TMIGD3: variants seen among roughly 807,000 people sequenced by gnomAD.
The protein encoded by TMIGD3 is AD026 protein (AD026).
A neutral mutation model predicts 28.1 loss-of-function variants in TMIGD3; 21 were observed. The observed-to-expected ratio is 0.75, with a 90% CI of 0.53 to 1.08. The LOEUF is 1.08. Among genes scored for constraint, TMIGD3 ranks in the 50% least tolerant of loss-of-function variants. The pLI, the probability that TMIGD3 is intolerant of heterozygous loss-of-function variation, is 0.00. For missense variants in TMIGD3, 416 were observed against 435.6 expected (o/e 0.96, Z 0.40); for synonymous variants, 151 against 162.1 (o/e 0.93, Z 0.52).
chr1:111,524,870 T>C (rs1011977839), intron 1 of TMIGD3, among the ~76,000 whole-genome samples: 34 of 152,364 alleles, frequency 2.2e-4, no homozygotes, highest in Middle Eastern at 3.4e-3. Flanking sequence ...TCTGCCTGAC[T>C]CGGCCTCCCA....
At chr1:111,491,780 G>A (rs1475504412) in intron 1 of TMIGD3, among the ~76,000 whole-genome samples, 1 of 152,226 alleles carries the variant, frequency 6.6e-6, no homozygotes, top group Non-Finnish European at 1.5e-5. Flanking sequence ...ATTATAATAT[G>A]TGGAACTTAT....
At chr1:111,537,181 C>T (rs1282129340) in intron 1 of TMIGD3, among the ~76,000 whole-genome samples, 1 of 152,184 alleles carries the variant, frequency 6.6e-6, no homozygotes, top group Non-Finnish European at 1.5e-5. Flanking sequence ...TCTTCCCCAC[C>T]ATTGGAGCAA....
chr1:111,488,080 C>G (rs971724675), intron 3 of TMIGD3, among the ~76,000 whole-genome samples: 1 of 152,170 alleles, frequency 6.6e-6, no homozygotes, highest in Non-Finnish European at 1.5e-5. Context: ...GCTGGGATTA[C>G]AGGAGTGAGC....
chr1:111,527,540 C>G (rs926880877), intron 1 of TMIGD3, among the ~76,000 whole-genome samples: 1 of 152,118 alleles, frequency 6.6e-6, no homozygotes, highest in Non-Finnish European at 1.5e-5. Context: ...AACATGATTG[C>G]TTGATTGTAT....
At chr1:111,549,947 C>T (rs560457022) in intron 1 of TMIGD3, among the ~76,000 whole-genome samples, 1 of 152,302 alleles carries the variant, frequency 6.6e-6, no homozygotes, top group South Asian at 2.1e-4. Context: ...GCACCACAGC[C>T]AGCCTTGTTT....
chr1:111,504,940 G>A (rs895398531), upstream of TMIGD3: 5 of 985,076 alleles, frequency 5.1e-6, no homozygotes, highest in Non-Finnish European at 6.0e-6. Flanking sequence ...CTCTCCAACT[G>A]AATTTCCATC....
intron 1 of TMIGD3, among the ~76,000 whole-genome samples, chr1:111,544,608 A>G (rs1162909557): frequency 6.6e-6 from 1 of 152,160 alleles, no homozygotes; most frequent in Non-Finnish European, 1.5e-5. Context: ...TTATCAGCTG[A>G]TAAACATTTG....
intron 1 of TMIGD3, among the ~76,000 whole-genome samples, chr1:111,561,611 C>T (rs886535371): frequency 3.3e-5 from 5 of 152,148 alleles, no homozygotes; most frequent in Non-Finnish European, 5.9e-5. Context: ...AGCAGAAGGT[C>T]ACAGAATTTT....
chr1:111,502,186 T>G (rs1655239628), intron 1 of TMIGD3, among the ~76,000 whole-genome samples: 3 of 56,932 alleles, frequency 5.3e-5, no homozygotes, highest in African/African-American at 6.9e-5. Context: ...ATATATAGGA[T>G]ATATATATTA....
upstream of TMIGD3, among the ~76,000 whole-genome samples, chr1:111,507,055 A>G (rs1301879665): frequency 8.8e-5 from 10 of 113,544 alleles, no homozygotes; most frequent in South Asian, 2.7e-4. Flanking sequence ...ATATATATAT[A>G]TATATGTTAA....
chr1:111,500,890 G>A, intron 1 of TMIGD3: 1 of 426,544 alleles, frequency 2.3e-6, no homozygotes, highest in Non-Finnish European at 4.1e-6. Flanking sequence ...CTTACTGAGA[G>A]CTATACAACT....
At chr1:111,504,444 C>G (rs140137165), upstream of TMIGD3, among the ~76,000 whole-genome samples, 884 of 152,348 alleles carry the variant, frequency 5.8e-3, 8 homozygotes, top group African/African-American at 0.018. Context: ...CCCCCTCTCC[C>G]TGAAGCTGCT....
chr1:111,507,039 GTATA>G (rs59345912), upstream of TMIGD3, among the ~76,000 whole-genome samples: 6,810 of 126,016 alleles, frequency 0.054, 206 homozygotes, highest in East Asian at 0.15. Flanking sequence ...GTGTGTGTGT[GTATA>G]TATATATATA....
At chr1:111,483,799 T>G in intron 5 of TMIGD3, 42 bp from the exon 6 acceptor site, 3 of 1,512,430 alleles carry the variant, frequency 2.0e-6, no homozygotes, top group Non-Finnish European at 2.8e-6. Context: ...TTGAGATCTA[T>G]TGCCTACCCC....
intron 1 of TMIGD3, among the ~76,000 whole-genome samples, chr1:111,509,313 C>A (rs994943692): frequency 6.6e-6 from 1 of 152,208 alleles, no homozygotes; most frequent in Non-Finnish European, 1.5e-5. Context: ...ATTTTCCCAG[C>A]CTTTGCTGGA....
chr1:111,552,291 T>C (rs570110710), intron 1 of TMIGD3, among the ~76,000 whole-genome samples: 4 of 152,320 alleles, frequency 2.6e-5, no homozygotes, highest in African/African-American at 7.2e-5. Flanking sequence ...CAGGCTGTTA[T>C]CTTCAAGTGG....
At chr1:111,555,542 T>C (rs1657455360) in intron 1 of TMIGD3, among the ~76,000 whole-genome samples, 1 of 151,958 alleles carries the variant, frequency 6.6e-6, no homozygotes, top group Non-Finnish European at 1.5e-5. Context: ...TTTTACAGAA[T>C]TCAGCTTAGA....
In TMIGD3 at chr1:111,555,362, T is replaced by TAAAAAAA. The variant is rs397981230; in HGVS notation, c.107+8477_107+8483dup. On this transcript the variant is annotated intron_variant, in intron 1 of 5. Transcript: ENST00000369717. ...GCCTGGGTGACAGACTGAGACTCTG[T>TAAAAAAA]AAAAAAAAAAAAAAAAAAAAAAAAA... is the stretch of plus-strand genomic sequence containing the variant. Among the ~76,000 whole-genome samples the TAAAAAAA allele has an allele frequency of 1.1e-3, 51 of 47,638 alleles. 1 individual carries two copies. Among genetic ancestry groups the TAAAAAAA allele is most frequent in the African/African-American group, 5.6e-3 (47 of 8,386 alleles). 31.3% of individuals were successfully genotyped at this position (47,638 alleles called of 152,430 possible).
intron 1 of TMIGD3, chr1:111,499,320 A>G: frequency 1.7e-6 from 1 of 586,318 alleles, no homozygotes; most frequent in Non-Finnish European, 2.2e-6. Flanking sequence ...TAAGAGTAAG[A>G]AGGTGAGTAT....
Sources: gnomAD v4.1 joint callset for allele counts (sites outside exome capture counted in the v4.1 genomes callset) on GRCh38, gnomAD v4.1.1 for gene constraint, MANE v1.5 for transcripts, NCBI Gene and HGNC (gene_info 2026-07-23, HGNC 2026-07-21) for gene names.